Variants in WDFY4 observed in about 807,000 individuals in gnomAD.
WDFY4 encodes the protein WD repeat- and FYVE domain-containing protein 4.
A neutral mutation model predicts 351.9 loss-of-function variants in WDFY4; 169 were observed. That is an observed-to-expected ratio of 0.48 (90% CI 0.42 to 0.55). WDFY4 has a LOEUF of 0.55. WDFY4 is among the 20% of genes least tolerant of loss of function. WDFY4 has a pLI of 0.00. For synonymous variants in WDFY4, 1,622 were observed against 1,574.6 expected (o/e 1.03, Z -0.71); for missense variants, 3,803 against 3,935.6 (o/e 0.97, Z 0.90).
intron 35 of WDFY4, among the ~76,000 whole-genome samples, chr10:48,824,577 A>G (rs1001838895): frequency 1.3e-5 from 2 of 152,206 alleles, no homozygotes; most frequent in African/African-American, 2.4e-5. Context: ...TTGATTGATC[A>G]TTTCCTTAAA....
At chr10:48,816,812 T>C (rs1221980739) in intron 31 of WDFY4, among the ~76,000 whole-genome samples, 2 of 152,118 alleles carry the variant, frequency 1.3e-5, no homozygotes, top group Non-Finnish European at 2.9e-5. Context: ...TTAGACTTGG[T>C]GAAAAACAAG....
At chr10:48,803,734 A>G (rs1451997501) in intron 25 of WDFY4, among the ~76,000 whole-genome samples, 17 of 152,272 alleles carry the variant, frequency 1.1e-4, no homozygotes, top group Admixed American at 1.1e-3. Context: ...GGGATGTAAA[A>G]GAGAAGGAAA....
chr10:48,941,937 CAA>C lies in WDFY4; in HGVS notation c.7629+90_7629+91del, dbSNP rs944582415. Reference sequence around the variant, plus strand: ...AGCGATGGAGAGGAAGTGTGTGGATCAACCAAGAAGGGATCTTATTATTTATT... The same window carrying C: ...AGCGATGGAGAGGAAGTGTGTGGATCCCAAGAAGGGATCTTATTATTTATT... On this transcript the variant is annotated intron_variant, in intron 48 of 61. Transcript: ENST00000325239. The C allele has an allele frequency of 3.6e-5, 46 of 1,280,552 alleles. No homozygotes were observed. The African/African-American group carries it at 5.6e-4, about 16-fold the overall frequency. 79.3% of individuals were successfully genotyped at this position (1,280,552 alleles called of 1,614,324 possible).
intron 22 of WDFY4, among the ~76,000 whole-genome samples, chr10:48,790,251 C>G (rs769051521): frequency 1.3e-5 from 2 of 152,238 alleles, no homozygotes; most frequent in African/African-American, 2.4e-5. Flanking sequence ...AGCTGTCTAT[C>G]TAGTGAGTAC....
At chr10:48,776,661 G>C in intron 15 of WDFY4, 89 bp from the exon 16 acceptor site, 1 of 1,268,222 alleles carries the variant, frequency 7.9e-7, no homozygotes, top group Non-Finnish European at 1.1e-6. Context: ...CTCTTTCTGG[G>C]CTGCGGCAGA....
intron 19 of WDFY4, among the ~76,000 whole-genome samples, chr10:48,781,105 A>G (rs1193969084): frequency 6.6e-6 from 1 of 152,154 alleles, no homozygotes; most frequent in African/African-American, 2.4e-5. Flanking sequence ...CCAGGTTAAG[A>G]GTCATCAGAT....
At chr10:48,728,385 G>A (rs2064340020) in intron 7 of WDFY4, among the ~76,000 whole-genome samples, 1 of 152,210 alleles carries the variant, frequency 6.6e-6, no homozygotes, top group African/African-American at 2.4e-5. Context: ...GCAAGGGATG[G>A]AAATCAAAGA....
chr10:48,943,594 A>C, intron 49 of WDFY4, 145 bp downstream of exon 49: 1 of 855,078 alleles, frequency 1.2e-6, no homozygotes, highest in South Asian at 2.2e-5. Flanking sequence ...TGAAGCTCAG[A>C]TCTCTTTTTT....
At chr10:48,756,812 G>A (rs561977130) in intron 12 of WDFY4, among the ~76,000 whole-genome samples, 12 of 152,056 alleles carry the variant, frequency 7.9e-5, no homozygotes, top group South Asian at 4.1e-4. Context: ...TAGTACCCTC[G>A]TTATTTTATA....
chr10:48,973,500 T>A (rs1368146377), intron 57 of WDFY4, among the ~76,000 whole-genome samples: 1 of 152,226 alleles, frequency 6.6e-6, no homozygotes, highest in Non-Finnish European at 1.5e-5. Context: ...TTAGCCTCAT[T>A]GACCCAAATG....
In WDFY4 at chr10:48,946,972, G is replaced by A. The variant is rs1397217338; in HGVS notation, c.7977+3G>A. 7 of 1,542,734 alleles carry A rather than the reference G, an allele frequency of 4.5e-6. No homozygotes were observed. Among genetic ancestry groups the A allele is most frequent in the Admixed American group, 2.0e-5 (1 of 50,602 alleles). On this transcript the variant is annotated splice_donor_region_variant and intron_variant, in intron 51 of 61. Coordinates refer to ENST00000325239, the MANE Select transcript of WDFY4 (RefSeq NM_001394531.1). ...CCCAGGCCTTCTGCGCTCTGCAGGT[G>A]AGCTGCTGCCACTCTCTGTACACAC... is the stretch of plus-strand genomic sequence containing the variant.
intron 43 of WDFY4, among the ~76,000 whole-genome samples, chr10:48,882,704 A>G (rs1445293796): frequency 6.6e-6 from 1 of 152,128 alleles, no homozygotes; most frequent in Non-Finnish European, 1.5e-5. Flanking sequence ...AGGAGGGGCC[A>G]GGCTCTTTCA....
intron 12 of WDFY4, among the ~76,000 whole-genome samples, chr10:48,752,166 A>G (rs186363294): frequency 2.6e-5 from 4 of 152,198 alleles, no homozygotes; most frequent in Non-Finnish European, 5.9e-5. Context: ...CCTTACAGCA[A>G]TGCTTCTCAT....
intron 13 of WDFY4, among the ~76,000 whole-genome samples, chr10:48,764,430 GC>G (rs2065605441): frequency 6.6e-6 from 1 of 152,218 alleles, no homozygotes; most frequent in Non-Finnish European, 1.5e-5. Flanking sequence ...TTCTTTTGGA[GC>G]TGAGTTGGCC....
At chr10:48,863,409 A>C (rs551528694) in intron 39 of WDFY4, among the ~76,000 whole-genome samples, 8 of 152,092 alleles carry the variant, frequency 5.3e-5, no homozygotes, top group African/African-American at 1.9e-4. Context: ...TGTATCATTG[A>C]TCTCATTGTG....
At chr10:48,739,115 T>A (rs767856142) in intron 11 of WDFY4, among the ~76,000 whole-genome samples, 4 of 152,260 alleles carry the variant, frequency 2.6e-5, no homozygotes, top group Non-Finnish European at 5.9e-5. Context: ...TACATTTAGC[T>A]GTTCAACTCT....
chr10:48,798,156 T>A (rs979899871), intron 24 of WDFY4, among the ~76,000 whole-genome samples: 2 of 152,226 alleles, frequency 1.3e-5, no homozygotes, highest in African/African-American at 4.8e-5. Flanking sequence ...GTCATCAATA[T>A]GTATATTATA....
In WDFY4 at chr10:48,946,168, C is replaced by G; in HGVS notation, c.7867+11C>G. 1.3e-6 allele frequency: 2 copies of G among 1,534,600 alleles called. No individual in the cohort carries two copies. The highest frequency in any genetic ancestry group is 1.8e-6 in the Non-Finnish European group (2 of 1,135,158). On this transcript the variant is annotated intron_variant, in intron 50 of 61. Transcript: ENST00000325239. ...TTGAGAAAACTGAAGGTGAGTAGAT[C>G]CAGCTTGATTTTTGGTGCAGTGTTA...
chr10:48,953,331 TCTCA>T (rs1230992989), intron 51 of WDFY4, among the ~76,000 whole-genome samples: 26 of 81,146 alleles, frequency 3.2e-4, no homozygotes, highest in African/African-American at 6.6e-4. Flanking sequence ...TCTCTCTCTC[TCTCA>T]CACACACACA....
Sources: gnomAD v4.1 joint callset for allele counts (sites outside exome capture counted in the v4.1 genomes callset) on GRCh38, gnomAD v4.1.1 for gene constraint, MANE v1.5 for transcripts, NCBI Gene and HGNC (gene_info 2026-07-23, HGNC 2026-07-21) for gene names.